PPM1B: variants seen among roughly 807,000 people sequenced by gnomAD.
PPM1B encodes protein phosphatase, Mg2+/Mn2+ dependent 1B, also known as protein phosphatase 1B.
A neutral mutation model predicts 43.0 loss-of-function variants in PPM1B; 22 were observed. The ratio of observed to expected loss-of-function variants is 0.51; its 90% CI spans 0.37 to 0.73. The LOEUF is 0.73. Among genes scored for constraint, PPM1B ranks in the 30% least tolerant of loss-of-function variants. The pLI is 0.00. For synonymous variants in PPM1B, 217 were observed against 197.9 expected (o/e 1.10, Z -0.81); for missense variants, 632 against 584.2 (o/e 1.08, Z -0.84).
At chr2:44,235,671 G>A (rs1248724302), downstream of PPM1B, among the ~76,000 whole-genome samples, 1 of 150,862 alleles carries the variant, frequency 6.6e-6, no homozygotes, top group Non-Finnish European at 1.5e-5. Flanking sequence ...TAAAGCAGGA[G>A]GATTGCTTGA....
At chr2:44,194,028 ATTTG>A (rs892313818) in intron 1 of PPM1B, among the ~76,000 whole-genome samples, 31 of 151,722 alleles carry the variant, frequency 2.0e-4, no homozygotes, top group South Asian at 4.2e-4. Context: ...GGTTTTGTTT[ATTTG>A]TTTGTTTGTT....
intron 5 of PPM1B, among the ~76,000 whole-genome samples, chr2:44,220,568 C>T (rs1309243421): frequency 6.6e-6 from 1 of 152,180 alleles, no homozygotes; most frequent in Non-Finnish European, 1.5e-5. Flanking sequence ...AGATCAAACA[C>T]TGACAGTGTG....
At chr2:44,181,133 CAG>C (rs1395745378) in intron 1 of PPM1B, among the ~76,000 whole-genome samples, 4 of 152,102 alleles carry the variant, frequency 2.6e-5, no homozygotes, top group African/African-American at 9.7e-5. Flanking sequence ...TTTGTATAGA[CAG>C]AGTCTCAGTA....
chr2:44,209,224 C>A lies in PPM1B; in HGVS notation c.861C>A (p.Asn287Lys). ...TTAATACACAGGGAAGTCGAGATAA[C>A]ATGAGTATTGTACTAGTTTGCTTTT... ...DTCLHKGSRD[N>K]MSIVLVCFSN... The change falls in exon 3 of 6, where the codon AAC becomes AAA. Residue 287 changes from asparagine to lysine, a missense_variant. Physicochemically the swap from Asn to Lys is moderately conservative, Grantham distance 94. Around this residue, in one of 3 missense-constraint regions of PPM1B, gnomAD observed 392 missense variants for 302.7 expected, o/e 1.29. Coordinates refer to ENST00000282412, the MANE Select transcript of PPM1B (RefSeq NM_002706.6). The A allele has an allele frequency of 6.2e-7, 1 of 1,603,372 alleles. No homozygotes were observed. The highest frequency in any genetic ancestry group is 8.5e-7 in the Non-Finnish European group (1 of 1,175,032).
chr2:44,183,246 C>G (rs73924228), intron 1 of PPM1B, among the ~76,000 whole-genome samples: 6,144 of 152,280 alleles, frequency 0.04, 399 homozygotes, highest in African/African-American at 0.14. Flanking sequence ...CTGTGACCAC[C>G]ACTACCATCT....
intron 3 of PPM1B, 152 bp from the exon 4 acceptor site, chr2:44,217,815 T>G: frequency 2.3e-6 from 1 of 442,740 alleles, no homozygotes. Context: ...AGTAGCTTTT[T>G]GTATTACTTC....
At chr2:44,181,743 A>C (rs1238138647) in intron 1 of PPM1B, among the ~76,000 whole-genome samples, 1 of 152,190 alleles carries the variant, frequency 6.6e-6, no homozygotes, top group Non-Finnish European at 1.5e-5. Flanking sequence ...GAAGTTTTTG[A>C]TTATGTTATA....
At chr2:44,231,562 T>C, downstream of PPM1B, 3 of 667,144 alleles carry the variant, frequency 4.5e-6, no homozygotes, top group Non-Finnish European at 3.7e-6. Flanking sequence ...CATTTGTATT[T>C]ATATAACATT....
chr2:44,174,762 G>T (rs931618724), intron 1 of PPM1B, among the ~76,000 whole-genome samples: 1 of 152,166 alleles, frequency 6.6e-6, no homozygotes, highest in Non-Finnish European at 1.5e-5. Flanking sequence ...TTGATTGTAG[G>T]TATCAAGAGC....
At chr2:44,212,511 C>G (rs1669518657) in intron 3 of PPM1B, among the ~76,000 whole-genome samples, 1 of 152,154 alleles carries the variant, frequency 6.6e-6, no homozygotes, top group Admixed American at 6.5e-5. Context: ...CTAAGCAAAT[C>G]CAATCGTGTT....
Position 44,169,157 on chromosome 2 carries a change from G to A in PPM1B, c.-132G>A. On this transcript the variant is annotated 5_prime_UTR_variant, in exon 1 of 6. Coordinates refer to ENST00000282412, the MANE Select transcript of PPM1B (RefSeq NM_002706.6). Reference sequence around the variant, plus strand: ...AAACAGCCCCGGAGGCGGCGGTCGAGACCCCGAGGGGGAAGCGGCGGCTGA... The same window carrying A: ...AAACAGCCCCGGAGGCGGCGGTCGAAACCCCGAGGGGGAAGCGGCGGCTGA... The A allele has an allele frequency of 5.8e-6, 1 of 172,292 alleles. No individual in the cohort carries two copies. The highest frequency in any genetic ancestry group is 1.2e-5 in the Non-Finnish European group (1 of 80,558). The allele number at this position is 172,292 out of a possible 1,614,324, so 10.7% of individuals were successfully genotyped here.
downstream of PPM1B, among the ~76,000 whole-genome samples, chr2:44,246,415 G>A (rs766193235): frequency 7.9e-5 from 12 of 152,124 alleles, no homozygotes; most frequent in East Asian, 1.9e-4. Context: ...TCTAAGATAT[G>A]TTAGCTATCT....
intron 1 of PPM1B, among the ~76,000 whole-genome samples, chr2:44,196,043 A>C (rs1033041383): frequency 1.3e-5 from 2 of 152,196 alleles, no homozygotes; most frequent in African/African-American, 4.8e-5. Context: ...AATATGAGAA[A>C]ACCCAAGTGA....
intron 3 of PPM1B, among the ~76,000 whole-genome samples, chr2:44,212,459 A>G (rs533421442): frequency 6.6e-6 from 1 of 152,206 alleles, no homozygotes; most frequent in Admixed American, 6.5e-5. Flanking sequence ...ATTTGTGGCC[A>G]CTATTTCCCC....
chr2:44,197,149 G>A, intron 1 of PPM1B, among the ~76,000 whole-genome samples: 1 of 151,928 alleles, frequency 6.6e-6, no homozygotes, highest in Non-Finnish European at 1.5e-5. Context: ...GGGTCTTGCT[G>A]TGTCACCTGT....
chr2:44,222,589 ATCT>A (rs1352822794), intron 5 of PPM1B, among the ~76,000 whole-genome samples: 1 of 152,104 alleles, frequency 6.6e-6, no homozygotes, highest in Admixed American at 6.5e-5. Context: ...GTCATAGGTA[ATCT>A]TCTCAGCACC....
At chr2:44,210,095 C>T (rs1669387912) in intron 3 of PPM1B, among the ~76,000 whole-genome samples, 1 of 152,086 alleles carries the variant, frequency 6.6e-6, no homozygotes, top group Non-Finnish European at 1.5e-5. Flanking sequence ...CTAATTCTCC[C>T]TTTTCGGGTT....
chr2:44,230,008 A>T (rs1437644736), intron 5 of PPM1B: 1 of 1,591,256 alleles, frequency 6.3e-7, no homozygotes, highest in East Asian at 2.2e-5. Flanking sequence ...ATGATGAAGA[A>T]ACTGTTCTGA....
At chr2:44,230,248 TTTA>T in intron 5 of PPM1B, 162 bp from the exon 6 acceptor site, 1 of 1,429,304 alleles carries the variant, frequency 7.0e-7, no homozygotes, top group Non-Finnish European at 9.2e-7. Flanking sequence ...ATTGGAAGTT[TTTA>T]TTAATTGATA....
Sources: allele counts gnomAD v4.1 joint callset (sites outside exome capture counted in the v4.1 genomes callset), GRCh38; gene constraint gnomAD v4.1.1; regional missense constraint gnomAD v4.1.1; transcripts MANE v1.5; gene names NCBI Gene and HGNC (gene_info 2026-07-23, HGNC 2026-07-21).